Variants in SRPK2 observed in about 807,000 individuals in gnomAD.
SRPK2 encodes the protein SFRS protein kinase 2.
In SRPK2, 21 loss-of-function variants were observed where a neutral mutation model predicts 90.8. That is an observed-to-expected ratio of 0.23 (90% CI 0.16 to 0.33). The LOEUF (loss-of-function observed/expected upper bound fraction) is 0.33. Ranked by LOEUF, SRPK2 falls within the 10% of genes least tolerant of loss-of-function variation. SRPK2 has a pLI of 1.00. For missense variants in SRPK2, 620 were observed against 869.0 expected (o/e 0.71, Z 3.60); for synonymous variants, 288 against 311.1 (o/e 0.93, Z 0.78).
At chr7:105,298,486 C>A (rs182369217) in intron 2 of SRPK2, among the ~76,000 whole-genome samples, 57 of 152,182 alleles carry the variant, frequency 3.7e-4, no homozygotes, top group African/African-American at 1.3e-3. Context: ...GTTTCTGTTT[C>A]ACTTAGGTAA....
upstream of SRPK2, among the ~76,000 whole-genome samples, chr7:105,394,236 G>A (rs1037227808): frequency 5.3e-5 from 8 of 150,448 alleles, no homozygotes; most frequent in South Asian, 4.2e-4. Flanking sequence ...TCTGCCTCCC[G>A]GGTTCAGGCG....
In SRPK2 at chr7:105,290,604, A is replaced by G. The variant is rs145094476; in HGVS notation, c.72-86819T>C. ...CACCATTTTGGGAGGCTGAGGTGGAAGGATTATTTGAGGCCAGGAGATCCA... is the reference window on the plus strand; with the variant it reads ...CACCATTTTGGGAGGCTGAGGTGGAGGGATTATTTGAGGCCAGGAGATCCA... On this transcript the variant is annotated intron_variant, in intron 2 of 15. Coordinates refer to ENST00000393651, the MANE Select transcript of SRPK2 (RefSeq NM_182692.3). Among the ~76,000 whole-genome samples the G allele has an allele frequency of 3.1e-3, 468 of 152,322 alleles. 9 individuals carry two copies. The highest frequency in any genetic ancestry group is 9.8e-3 in the African/African-American group (406 of 41,564).
chr7:105,130,006 C>A (rs984028710), intron 13 of SRPK2, among the ~76,000 whole-genome samples: 1 of 152,102 alleles, frequency 6.6e-6, no homozygotes, highest in South Asian at 2.1e-4. Flanking sequence ...TGCAGAGAAA[C>A]CAATGCTTCA....
chr7:105,244,912 G>A (rs984507471), intron 2 of SRPK2: 8 of 1,486,548 alleles, frequency 5.4e-6, no homozygotes, highest in Non-Finnish European at 7.4e-6. Flanking sequence ...AAGAGGAAGC[G>A]GGAGGAGCAA....
chr7:105,240,436 A>G (rs1284894321), intron 2 of SRPK2, among the ~76,000 whole-genome samples: 1 of 152,172 alleles, frequency 6.6e-6, no homozygotes, highest in African/African-American at 2.4e-5. Context: ...TAATCATTCT[A>G]TCTGGAGGAA....
intron 2 of SRPK2, among the ~76,000 whole-genome samples, chr7:105,348,335 T>C (rs535464755): frequency 1.1e-4 from 16 of 152,118 alleles, no homozygotes; most frequent in African/African-American, 3.9e-4. Context: ...CTTCCCAAAG[T>C]GCTGGGATTA....
At chr7:105,186,642 C>A (rs1172642463) in intron 3 of SRPK2, among the ~76,000 whole-genome samples, 1 of 152,196 alleles carries the variant, frequency 6.6e-6, no homozygotes, top group Non-Finnish European at 1.5e-5. Flanking sequence ...ATCCCTTCTA[C>A]TCTGATGTTC....
chr7:105,264,736 T>C (rs913095201), intron 2 of SRPK2, among the ~76,000 whole-genome samples: 16 of 152,246 alleles, frequency 1.1e-4, no homozygotes, highest in Admixed American at 9.2e-4. Context: ...TATATAGCAC[T>C]GTTGTGAGTT....
intron 2 of SRPK2, among the ~76,000 whole-genome samples, chr7:105,374,787 T>G (rs1370335059): frequency 6.6e-6 from 1 of 152,088 alleles, no homozygotes; most frequent in African/African-American, 2.4e-5. Flanking sequence ...TTTTGTGTTT[T>G]TAGTAGAGAC....
intron 2 of SRPK2, among the ~76,000 whole-genome samples, chr7:105,290,155 T>C (rs1808764287): frequency 6.9e-6 from 1 of 145,800 alleles, no homozygotes; most frequent in Admixed American, 7.0e-5. Context: ...ACTTCTGAAA[T>C]ACTTCAAGAA....
chr7:105,129,136 T>C (rs1244771041), intron 13 of SRPK2, among the ~76,000 whole-genome samples: 1 of 152,032 alleles, frequency 6.6e-6, no homozygotes, highest in Non-Finnish European at 1.5e-5. Flanking sequence ...TAATTTTTTG[T>C]AGAGACGGGA....
intron 3 of SRPK2, among the ~76,000 whole-genome samples, chr7:105,197,195 G>A (rs889200077): frequency 2.0e-5 from 3 of 152,100 alleles, no homozygotes; most frequent in South Asian, 2.1e-4. Context: ...CCAGTCTACC[G>A]TTTTCACAGA....
chr7:105,263,053 A>G (rs1347918698), intron 2 of SRPK2, among the ~76,000 whole-genome samples: 1 of 152,172 alleles, frequency 6.6e-6, no homozygotes, highest in Non-Finnish European at 1.5e-5. Flanking sequence ...CAGACTGGGC[A>G]AGGTGGCTCA....
At chr7:105,323,967 T>TTGTGTGTGTG (rs58288208) in intron 2 of SRPK2, among the ~76,000 whole-genome samples, 1,809 of 133,774 alleles carry the variant, frequency 0.014, 14 homozygotes, top group East Asian at 0.019. Context: ...AGACTATTCT[T>TTGTGTGTGTG]TGTGTGTGTG....
intron 2 of SRPK2, among the ~76,000 whole-genome samples, chr7:105,322,132 G>A (rs1813006135): frequency 6.6e-6 from 1 of 152,162 alleles, no homozygotes; most frequent in African/African-American, 2.4e-5. Flanking sequence ...ATGGAATGTT[G>A]GGCCAGGCAC....
chr7:105,343,625 T>A (rs1352090825), intron 2 of SRPK2, among the ~76,000 whole-genome samples: 1 of 151,938 alleles, frequency 6.6e-6, no homozygotes, highest in Admixed American at 6.5e-5. Flanking sequence ...ATTTCCTACA[T>A]ACGTTTTCTA....
At chr7:105,179,728 G>A (rs979321507) in intron 3 of SRPK2, among the ~76,000 whole-genome samples, 2 of 148,032 alleles carry the variant, frequency 1.4e-5, no homozygotes, top group Non-Finnish European at 3.0e-5. Context: ...GGGAGGCTGA[G>A]GCAGGAGAAT....
intron 2 of SRPK2, among the ~76,000 whole-genome samples, chr7:105,325,245 G>A (rs1258837050): frequency 6.6e-6 from 1 of 152,108 alleles, no homozygotes; most frequent in East Asian, 1.9e-4. Flanking sequence ...TTTCAGAGAA[G>A]GGCTGTTAAA....
intron 2 of SRPK2, among the ~76,000 whole-genome samples, chr7:105,221,370 G>A (rs774220575): frequency 6.6e-6 from 1 of 152,180 alleles, no homozygotes; most frequent in Non-Finnish European, 1.5e-5. Flanking sequence ...GGCTTTGAGC[G>A]AGTGATACCC....
Sources: gnomAD v4.1 joint callset for allele counts (sites outside exome capture counted in the v4.1 genomes callset) on GRCh38, gnomAD v4.1.1 for gene constraint, MANE v1.5 for transcripts, NCBI Gene and HGNC (gene_info 2026-07-23, HGNC 2026-07-21) for gene names.